GSDMC: variants seen among roughly 807,000 people sequenced by gnomAD.
GSDMC encodes the protein gasdermin-C.
In GSDMC, 59 loss-of-function variants were observed where a neutral mutation model predicts 58.0. The observed-to-expected ratio is 1.02, with a 90% CI of 0.82 to 1.26. GSDMC has a LOEUF of 1.26. Among genes scored for constraint, GSDMC ranks in the 50% most tolerant of loss-of-function variants. GSDMC has a pLI of 0.00. For synonymous variants in GSDMC, 241 were observed against 220.2 expected (o/e 1.09, Z -0.83); for missense variants, 659 against 598.5 (o/e 1.10, Z -1.06).
chr8:129,776,285 T>C lies in GSDMC; in HGVS notation c.221A>G (p.Glu74Gly), dbSNP rs769715058. 6.3e-6 allele frequency: 10 copies of C among 1,597,134 alleles called. No individual in the cohort carries two copies. The highest frequency in any genetic ancestry group is 8.5e-6 in the Non-Finnish European group (10 of 1,173,564). The change falls in exon 3 of 14, where the codon GAA becomes GGA. Residue 74 changes from glutamate to glycine, a missense_variant and splice_region_variant. Physicochemically the swap from Glu to Gly is moderately conservative, Grantham distance 98. Coordinates refer to ENST00000276708, the MANE Select transcript of GSDMC (RefSeq NM_031415.3). ...GTGGAACGGTCCTGTCACAACAGTT[T>C]CTGGGGAAAGAAAAGACGACCATAG... is the stretch of plus-strand genomic sequence containing the variant. ...DILEPSSSVL[E>G]TVVTGPFHFS...
At chr8:129,722,191 A>C in the GSDMC span, among the ~76,000 whole-genome samples, 2 of 152,188 alleles carry the variant, frequency 1.3e-5, no homozygotes, top group Admixed American at 6.5e-5. Context: ...TGAGTGTTCA[A>C]TGACTCCTCA....
At position 129,765,641 on chromosome 8, in the gene GSDMC, A is replaced by T; in HGVS notation, c.557T>A (p.Ile186Asn). The change falls in exon 4 of 14, where the codon ATT becomes AAT. Residue 186 changes from isoleucine (I) to asparagine (N), a missense_variant. By Grantham distance (149) the Ile-to-Asn change is moderately radical. Transcript: ENST00000276708. Reference protein sequence around the residue: ...VNILGKIALWITYGKGQGQGE... With the variant: ...VNILGKIALWNTYGKGQGQGE... ...ACAACTTTATACCTTGCCATAGGTA[A>T]TCCAAAGAGCAATTTTCCCTAAAAT... 1 of 1,613,378 alleles carries T rather than the reference A, an allele frequency of 6.2e-7. No homozygotes were observed. The highest frequency in any genetic ancestry group is 1.1e-5 in the South Asian group (1 of 91,046).
chr8:129,755,275 T>C (rs2130379447), intron 6 of GSDMC, among the ~76,000 whole-genome samples: 1 of 152,298 alleles, frequency 6.6e-6, no homozygotes, highest in East Asian at 1.9e-4. Context: ...AGCAGACTTT[T>C]CACTGGAAAC....
At chr8:129,749,286 G>C (rs1344840597) in intron 13 of GSDMC, among the ~76,000 whole-genome samples, 166 bp downstream of exon 13, 1 of 152,112 alleles carries the variant, frequency 6.6e-6, no homozygotes, top group Non-Finnish European at 1.5e-5. Context: ...ACTGGACCAG[G>C]TCTCCAGAAG....
intron 9 of GSDMC, 43 bp downstream of exon 9, chr8:129,751,819 A>G (rs757254703): frequency 3.8e-6 from 6 of 1,581,618 alleles, no homozygotes; most frequent in East Asian, 2.2e-5. Context: ...CCATGTGTGC[A>G]GGATGGGATC....
chr8:129,756,663 C>G (rs2033452549), intron 6 of GSDMC, among the ~76,000 whole-genome samples: 2 of 152,082 alleles, frequency 1.3e-5, no homozygotes, highest in South Asian at 4.1e-4. Context: ...GGTTATAAAA[C>G]AAGCATTAAA....
At chr8:129,719,130 C>T in the GSDMC span, among the ~76,000 whole-genome samples, 56,202 of 151,854 alleles carry the variant, frequency 0.37, 14,074 homozygotes, top group East Asian at 0.71. Context: ...TATGTATACC[C>T]ATGTAACAAA....
At chr8:129,749,966 A>G in intron 12 of GSDMC, 24 bp downstream of exon 12, 1 of 1,565,458 alleles carries the variant, frequency 6.4e-7, no homozygotes, top group Non-Finnish European at 8.6e-7. Context: ...TGATTCTCCC[A>G]TTCTTCCCTT....
intron 3 of GSDMC, among the ~76,000 whole-genome samples, chr8:129,769,530 A>T (rs896056325): frequency 6.6e-6 from 1 of 152,186 alleles, no homozygotes; most frequent in Non-Finnish European, 1.5e-5. Flanking sequence ...ATGTCATCTC[A>T]TGGAAGATGG....
intron 3 of GSDMC, 49 bp downstream of exon 3, chr8:129,776,053 A>T (rs766255180): frequency 2.9e-6 from 4 of 1,390,158 alleles, no homozygotes; most frequent in Admixed American, 4.4e-5. Context: ...CAAGGAAAAC[A>T]CCCCCTGGGA....
the GSDMC span, among the ~76,000 whole-genome samples, chr8:129,717,253 T>C: frequency 2.4e-5 from 1 of 41,002 alleles, no homozygotes; most frequent in African/African-American, 3.9e-4. Flanking sequence ...TCCTGGGCTT[T>C]TTTTTTTTTT....
the GSDMC span, among the ~76,000 whole-genome samples, chr8:129,715,920 A>T: frequency 1.3e-5 from 2 of 152,218 alleles, no homozygotes; most frequent in Non-Finnish European, 2.9e-5. Context: ...GTAAGGAGAA[A>T]AATAGATAAT....
intron 1 of GSDMC, among the ~76,000 whole-genome samples, chr8:129,782,183 C>G (rs2034434391): frequency 6.6e-6 from 1 of 151,920 alleles, no homozygotes; most frequent in South Asian, 2.1e-4. Context: ...ATAATGCAAA[C>G]ATACCAAAAC....
At chr8:129,723,896 G>A in the GSDMC span, among the ~76,000 whole-genome samples, 1 of 152,166 alleles carries the variant, frequency 6.6e-6, no homozygotes, top group South Asian at 2.1e-4. Flanking sequence ...CTCTCAGTGA[G>A]GAAAGAATGA....
chr8:129,721,806 A>T, the GSDMC span, among the ~76,000 whole-genome samples: 1 of 152,178 alleles, frequency 6.6e-6, no homozygotes, highest in Non-Finnish European at 1.5e-5. Context: ...TGGTAAGAGG[A>T]TACCTCACTC....
chr8:129,781,129 A>T (rs1246727614), intron 1 of GSDMC, among the ~76,000 whole-genome samples: 2 of 152,190 alleles, frequency 1.3e-5, no homozygotes, highest in Non-Finnish European at 2.9e-5. Context: ...GAAACAGAAG[A>T]TCACAAAACA....
chr8:129,749,629 G>A, intron 12 of GSDMC, 104 bp from the exon 13 acceptor site: 1 of 851,298 alleles, frequency 1.2e-6, no homozygotes, highest in Non-Finnish European at 2.0e-6. Flanking sequence ...CAAGGCAGAG[G>A]AATAAAACCC....
chr8:129,756,131 C>T (rs2033424007), intron 6 of GSDMC, among the ~76,000 whole-genome samples: 1 of 147,642 alleles, frequency 6.8e-6, no homozygotes, highest in East Asian at 2.0e-4. Flanking sequence ...TATAAAGATA[C>T]ACATAGACTG....
At chr8:129,742,139 G>C in the GSDMC span, among the ~76,000 whole-genome samples, 2 of 151,864 alleles carry the variant, frequency 1.3e-5, no homozygotes, top group African/African-American at 4.8e-5. Flanking sequence ...ACTAGGGCGG[G>C]ACTAAGATGG....
Sources: allele counts gnomAD v4.1 joint callset (sites outside exome capture counted in the v4.1 genomes callset), GRCh38; gene constraint gnomAD v4.1.1; transcripts MANE v1.5; gene names NCBI Gene and HGNC (gene_info 2026-07-23, HGNC 2026-07-21).